The following GPR89B variants were observed in gnomAD, a reference collection of about 807,000 sequenced individuals.
GPR89B encodes the protein golgi pH regulator B, also known as G protein-coupled receptor 89B.
GPR89B carries 25 observed loss-of-function variants against 52.4 expected under a neutral mutation model. The ratio of observed to expected loss-of-function variants is 0.48; its 90% CI spans 0.35 to 0.67. The LOEUF (loss-of-function observed/expected upper bound fraction) is 0.67, where lower values mean the gene tolerates loss of function less well. GPR89B is among the 30% of genes least tolerant of loss of function. The pLI, the probability that GPR89B is intolerant of heterozygous loss-of-function variation, is 0.01. For synonymous variants in GPR89B, 52 were observed against 151.2 expected (o/e 0.34, Z 4.81); for missense variants, 146 against 450.2 (o/e 0.32, Z 6.11).
At chr1:147,935,978 C>G (rs1352435034) in intron 1 of GPR89B, among the ~76,000 whole-genome samples, 1 of 152,010 alleles carries the variant, frequency 6.6e-6, no homozygotes, top group African/African-American at 2.4e-5. Context: ...TAAATACTTG[C>G]AATCAGGGAT....
chr1:147,936,694 G>T lies in GPR89B; in HGVS notation c.102+8G>T. The T allele has an allele frequency of 6.2e-7, 1 of 1,603,410 alleles. No homozygotes were observed. Among genetic ancestry groups the T allele is most frequent in the Non-Finnish European group, 8.5e-7 (1 of 1,173,126 alleles). On this transcript the variant is annotated splice_region_variant and intron_variant, in intron 2 of 13. Coordinates refer to ENST00000314163, the MANE Select transcript of GPR89B (RefSeq NM_016334.5). ...TTGTTTAAAGACTATGAGGTGAGAA[G>T]AAATCATTTTGTCATACTTACACTA...
At chr1:147,938,201 T>C (rs1654259841) in intron 2 of GPR89B, among the ~76,000 whole-genome samples, 1 of 152,296 alleles carries the variant, frequency 6.6e-6, no homozygotes, top group Middle Eastern at 3.4e-3. Context: ...TAATTAGTAA[T>C]AAGATCAGTT....
chr1:147,997,732 A>G (rs1659350192), downstream of GPR89B, among the ~76,000 whole-genome samples: 1 of 152,148 alleles, frequency 6.6e-6, no homozygotes, highest in South Asian at 2.1e-4. Context: ...ATATAACACT[A>G]TTTTTATCAC....
chr1:147,997,308 G>C (rs1324942101), downstream of GPR89B, among the ~76,000 whole-genome samples: 1 of 152,202 alleles, frequency 6.6e-6, no homozygotes, highest in African/African-American at 2.4e-5. Flanking sequence ...GTGTGTGTCT[G>C]TGAAGGTGGT....
the GPR89B span, among the ~76,000 whole-genome samples, chr1:148,021,053 T>A: frequency 3.9e-5 from 6 of 152,026 alleles, no homozygotes; most frequent in Middle Eastern, 3.4e-3. Context: ...CTGCTTGGTC[T>A]CTGCGTTTCT....
chr1:148,013,509 A>G, the GPR89B span, among the ~76,000 whole-genome samples: 18,634 of 152,152 alleles, frequency 0.12, 1,481 homozygotes, highest in African/African-American at 0.2. Context: ...TCAAACGCGC[A>G]GAGCTCCAGC....
chr1:148,010,827 G>A, the GPR89B span: 1 of 152,204 alleles, frequency 6.6e-6, no homozygotes, highest in Non-Finnish European at 1.5e-5. Flanking sequence ...TATAGAGCCT[G>A]TTTCACAATT....
At chr1:147,930,904 C>T (rs1245691572) in intron 1 of GPR89B, among the ~76,000 whole-genome samples, 1 of 152,118 alleles carries the variant, frequency 6.6e-6, no homozygotes, top group Non-Finnish European at 1.5e-5. Context: ...GGGCCTTTTC[C>T]TCATATCCCT....
the GPR89B span, among the ~76,000 whole-genome samples, chr1:148,025,092 C>A: frequency 1.3e-5 from 2 of 151,924 alleles, no homozygotes; most frequent in Middle Eastern, 3.2e-3. Flanking sequence ...CTTGTAAAGT[C>A]ATTCTCCTGA....
chr1:147,948,847 G>A (rs1385795744), intron 5 of GPR89B, among the ~76,000 whole-genome samples: 5 of 151,320 alleles, frequency 3.3e-5, no homozygotes, highest in Non-Finnish European at 7.4e-5. Context: ...AGTGGAGGGA[G>A]GGTCAGCAGA....
At chr1:147,935,047 A>T (rs1653963036) in intron 1 of GPR89B, among the ~76,000 whole-genome samples, 1 of 152,040 alleles carries the variant, frequency 6.6e-6, no homozygotes, top group African/African-American at 2.4e-5. Flanking sequence ...GTCAAAAAAT[A>T]TTTAAATCAC....
At chr1:147,934,910 G>C (rs1553247605) in intron 1 of GPR89B, among the ~76,000 whole-genome samples, 2 of 151,870 alleles carry the variant, frequency 1.3e-5, no homozygotes, top group African/African-American at 4.8e-5. Context: ...CTTTTATGTA[G>C]ACCACTTAGC....
At chr1:147,951,772 T>G (rs1655727302) in intron 5 of GPR89B, among the ~76,000 whole-genome samples, 1 of 151,762 alleles carries the variant, frequency 6.6e-6, no homozygotes, top group Non-Finnish European at 1.5e-5. Context: ...AGCACCAAGA[T>G]TATCACTAGC....
chr1:147,987,923 G>A (rs1423243043), intron 11 of GPR89B, among the ~76,000 whole-genome samples: 2 of 151,438 alleles, frequency 1.3e-5, no homozygotes, highest in Non-Finnish European at 2.9e-5. Context: ...TGGTGATTAG[G>A]GAACTATTAT....
At chr1:147,970,539 C>CTCTCTCTCTCTATATA (rs1657375739) in intron 10 of GPR89B, among the ~76,000 whole-genome samples, 3 of 133,808 alleles carry the variant, frequency 2.2e-5, no homozygotes, top group East Asian at 2.2e-4. Flanking sequence ...CTCTCTATCT[C>CTCTCTCTCTCTATATA]TATCTCTCTC....
Position 147,969,330 on chromosome 1 carries a change from C to T in GPR89B, c.816+367C>T, listed in dbSNP as rs1369230495. 4.0e-4 allele frequency: 99 copies of T among 249,074 alleles called. 2 individuals carry two copies. The highest frequency in any genetic ancestry group is 2.2e-3 in the African/African-American group (96 of 43,816). 15.4% of individuals were successfully genotyped at this position (249,074 alleles called of 1,614,324 possible). On this transcript the variant is annotated intron_variant, in intron 9 of 13. Transcript: ENST00000314163. ...TAGACACCTATCTGCCATGGATGGC[C>T]TAGCCCTATTTTAAAGGATCCAGAT...
intron 1 of GPR89B, among the ~76,000 whole-genome samples, chr1:147,930,739 A>G (rs1358371344): frequency 1.4e-5 from 2 of 147,968 alleles, no homozygotes; most frequent in East Asian, 1.9e-4. Flanking sequence ...ACTCCTTTAC[A>G]TGGCTTTTCA....
chr1:147,999,341 G>T, the GPR89B span, among the ~76,000 whole-genome samples: 2 of 151,474 alleles, frequency 1.3e-5, no homozygotes, highest in African/African-American at 4.9e-5. Context: ...GGGCGTGTTG[G>T]CTTATACCTG....
rs781949323 is a variant in GPR89B, at chr1:147,928,554, C to G, written c.18C>G (p.Asp6Glu). The G allele has an allele frequency of 2.0e-5, 33 of 1,613,828 alleles. 1 individual carries two copies. In the East Asian group the frequency reaches 7.1e-4, roughly 35 times the overall value. MSFLI[D>E]SSIMITSQIL... is the part of the protein sequence containing the mutation. ...ACTTCGCCATGAGTTTCCTGATCGA[C>G]TCCAGCATCATGATTACCTCCCAGG... The change falls in exon 1 of 14, where the codon GAC becomes GAG. Residue 6 changes from aspartate to glutamate, a missense_variant. Asp to Glu is a conservative substitution (Grantham distance 45). Transcript: ENST00000314163.
Sources: gnomAD v4.1 joint callset for allele counts (sites outside exome capture counted in the v4.1 genomes callset) on GRCh38, gnomAD v4.1.1 for gene constraint, MANE v1.5 for transcripts, NCBI Gene and HGNC (gene_info 2026-07-23, HGNC 2026-07-21) for gene names.